CELF2: variants seen among roughly 807,000 people sequenced by gnomAD.
The protein encoded by CELF2 is CUGBP Elav-like family member 2.
CELF2 carries 8 observed loss-of-function variants against 62.6 expected under a neutral mutation model. The ratio of observed to expected loss-of-function variants is 0.13; its 90% CI spans 0.07 to 0.23. The LOEUF is 0.23. Ranked by LOEUF, CELF2 falls within the 10% of genes least tolerant of loss-of-function variation. The probability of loss-of-function intolerance (pLI) is 1.00; values close to 1 mark genes in which losing one functional copy is unlikely to be tolerated. For synonymous variants in CELF2, 258 were observed against 250.0 expected (o/e 1.03, Z -0.30); for missense variants, 333 against 671.0 (o/e 0.50, Z 5.56).
At chr10:10,942,202 G>A (rs566226385) in intron 2 of CELF2, among the ~76,000 whole-genome samples, 1 of 152,244 alleles carries the variant, frequency 6.6e-6, no homozygotes, top group African/African-American at 2.4e-5. Flanking sequence ...ATCTGTTTAT[G>A]TATAAAAATG....
intron 2 of CELF2, among the ~76,000 whole-genome samples, chr10:11,179,090 A>T (rs767272970): frequency 6.6e-6 from 1 of 152,252 alleles, no homozygotes; most frequent in Non-Finnish European, 1.5e-5. Flanking sequence ...TTGCTGATCA[A>T]GTCTTGAAAT....
At chr10:10,896,364 G>C (rs984206675) in intron 1 of CELF2, among the ~76,000 whole-genome samples, 2 of 152,092 alleles carry the variant, frequency 1.3e-5, no homozygotes, top group African/African-American at 4.8e-5. Context: ...ATATAAACAG[G>C]TTAAAAAGGA....
chr10:10,471,913 T>G, the CELF2 span, among the ~76,000 whole-genome samples: 3 of 151,860 alleles, frequency 2.0e-5, no homozygotes, highest in Non-Finnish European at 2.9e-5. Flanking sequence ...AGCCATTTGC[T>G]TTGTCATTCC....
At chr10:10,496,324 C>G in the CELF2 span, among the ~76,000 whole-genome samples, 31 of 152,218 alleles carry the variant, frequency 2.0e-4, no homozygotes, top group Non-Finnish European at 4.6e-4. Flanking sequence ...CTACTCGTAT[C>G]TACCATAAAC....
intron 9 of CELF2, among the ~76,000 whole-genome samples, chr10:11,293,764 A>G (rs937307896): frequency 6.6e-6 from 1 of 152,174 alleles, no homozygotes; most frequent in Non-Finnish European, 1.5e-5. Flanking sequence ...CATCTGGAGC[A>G]GCACATCAGA....
At chr10:10,943,148 G>A (rs1293928939) in intron 2 of CELF2, among the ~76,000 whole-genome samples, 3 of 152,148 alleles carry the variant, frequency 2.0e-5, no homozygotes, top group Non-Finnish European at 4.4e-5. Flanking sequence ...TATTGTTGGG[G>A]AGGGGACAGA....
chr10:10,693,088 A>C, the CELF2 span, among the ~76,000 whole-genome samples: 4 of 85,618 alleles, frequency 4.7e-5, no homozygotes, highest in Non-Finnish European at 9.5e-5. Context: ...GTCTTGTGCC[A>C]GTTTTCAAAG....
chr10:10,479,433 C>T, the CELF2 span, among the ~76,000 whole-genome samples: 1 of 152,214 alleles, frequency 6.6e-6, no homozygotes, highest in Non-Finnish European at 1.5e-5. Flanking sequence ...TCCCAAAGTG[C>T]TGGGATTACA....
At chr10:11,323,715 T>G (rs546128136) in intron 11 of CELF2, among the ~76,000 whole-genome samples, 22 of 151,984 alleles carry the variant, frequency 1.4e-4, no homozygotes, top group Non-Finnish European at 2.5e-4. Flanking sequence ...GGACCAGTAG[T>G]GAGTGTAACA....
At position 11,288,506 on chromosome 10, in the gene CELF2, C is replaced by T. The variant is rs1464110571; in HGVS notation, c.930C>T (p.Asn310=). ...AQTSATSTNA[N]PLSTTSSALG... ...CCTCAGCCACCAGCACCAATGCAAA[C>T]CCTCTCTCTACCACGAGCAGCGCCC... The change falls in exon 9 of 13, where the codon AAC becomes AAT. Residue 310 remains asparagine (N), a synonymous_variant. Coordinates refer to ENST00000633077, the MANE Select transcript of CELF2 (RefSeq NM_001326342.2). 2 of 1,613,876 alleles carry T rather than the reference C, an allele frequency of 1.2e-6. No individual in the cohort carries two copies. The highest frequency in any genetic ancestry group is 2.2e-5 in the South Asian group (2 of 91,080).
At chr10:10,695,095 C>T in the CELF2 span, among the ~76,000 whole-genome samples, 1 of 148,974 alleles carries the variant, frequency 6.7e-6, no homozygotes, top group Non-Finnish European at 1.5e-5. Context: ...CAGTTTCTTC[C>T]TAGTCTCGAT....
Position 11,328,909 on chromosome 10 carries a change from C to T in CELF2, c.1439-17C>T, listed in dbSNP as rs551272775. 45 of 1,603,864 alleles carry T rather than the reference C, an allele frequency of 2.8e-5. No individual in the cohort carries two copies. The South Asian group carries it at 4.1e-4, about 15-fold the overall frequency. ...GGCTTCCTCTCCAGGCTGACTCCCT[C>T]TCTCGGTATTTTCCAGGTTTTGTTA... On this transcript the variant is annotated splice_polypyrimidine_tract_variant and intron_variant, in intron 12 of 12. Coordinates refer to ENST00000633077, the MANE Select transcript of CELF2 (RefSeq NM_001326342.2). The surrounding 1 kb of genome is among the most constrained non-coding windows in gnomAD (Gnocchi z 6.4).
rs2064333596 is a variant in CELF2, at chr10:11,156,147, A to G, written c.75-9339A>G. Among the ~76,000 whole-genome samples the G allele has an allele frequency of 6.6e-6, 1 of 152,192 alleles. No individual in the cohort carries two copies. Among genetic ancestry groups the G allele is most frequent in the Non-Finnish European group, 1.5e-5 (1 of 68,036 alleles). On this transcript the variant is annotated intron_variant, in intron 1 of 12. Transcript: ENST00000633077. This position sits in a 1 kb window ranked among gnomAD's most constrained non-coding sequence, Gnocchi z 4.3. ...ACAAGAGGATAGCCAGAATCAGGAC[A>G]GTGGCTGTTCAGGGACAAGTGGACC...
intron 1 of CELF2, among the ~76,000 whole-genome samples, chr10:11,072,220 G>C (rs2141014127): frequency 6.6e-6 from 1 of 152,322 alleles, no homozygotes; most frequent in East Asian, 1.9e-4. Flanking sequence ...ACTAATTTGA[G>C]AGAATTATGT....
chr10:10,740,061 T>C, the CELF2 span, among the ~76,000 whole-genome samples: 3 of 152,030 alleles, frequency 2.0e-5, no homozygotes, highest in Non-Finnish European at 4.4e-5. Flanking sequence ...TCTCAATTCA[T>C]AGACTGTCTT....
rs190160126 is a variant in CELF2 at position 11,243,143 on chromosome 10, G to A, written c.355-6010G>A. 1.8e-3 allele frequency among the ~76,000 whole-genome samples: 278 copies of A among 152,212 alleles called. 1 individual carries two copies. The highest frequency in any genetic ancestry group is 6.4e-3 in the African/African-American group (264 of 41,534). The stretch of plus-strand genomic sequence containing the variant: ...GCTCCACCTTCATTGTGCATAGGAC[G>A]CTGATTCTTAGTACACAGCAGCAAC... On this transcript the variant is annotated intron_variant, in intron 3 of 12. Coordinates refer to ENST00000633077, the MANE Select transcript of CELF2 (RefSeq NM_001326342.2). This position sits in a 1 kb window ranked among gnomAD's most constrained non-coding sequence, Gnocchi z 4.1.
At position 11,269,795 on chromosome 10, in the gene CELF2, G is replaced by A. The variant is rs1352227266; in HGVS notation, c.619-871G>A. On this transcript the variant is annotated intron_variant, in intron 6 of 12. Coordinates refer to ENST00000633077, the MANE Select transcript of CELF2 (RefSeq NM_001326342.2). The surrounding 1 kb of genome is among the most constrained non-coding windows in gnomAD (Gnocchi z 4.4). ...ATCCCTGATGATTTTATCTAGCTCA[G>A]TAGTGAATTCTGTGACCTTTAGCCA... Among the ~76,000 whole-genome samples the A allele has an allele frequency of 6.6e-6, 1 of 152,206 alleles. No individual in the cohort carries two copies. Among genetic ancestry groups the A allele is most frequent in the Non-Finnish European group, 1.5e-5 (1 of 68,044 alleles).
chr10:10,492,229 A>T, the CELF2 span, among the ~76,000 whole-genome samples: 1 of 152,012 alleles, frequency 6.6e-6, no homozygotes, highest in East Asian at 1.9e-4. Flanking sequence ...TCCATCTCTA[A>T]TCCGTTTGCA....
chr10:11,150,943 A>G (rs535136752), intron 1 of CELF2, among the ~76,000 whole-genome samples: 14 of 152,344 alleles, frequency 9.2e-5, no homozygotes, highest in African/African-American at 2.9e-4. Flanking sequence ...AATATCAACA[A>G]TGATTACAGG....
Sources: allele counts gnomAD v4.1 joint callset (sites outside exome capture counted in the v4.1 genomes callset), GRCh38; gene constraint gnomAD v4.1.1; non-coding constraint Gnocchi (gnomAD v3.1); transcripts MANE v1.5; gene names NCBI Gene and HGNC (gene_info 2026-07-23, HGNC 2026-07-21).